KLHL1: variants seen among roughly 807,000 people sequenced by gnomAD.
KLHL1 encodes the protein kelch-like protein 1.
Under a neutral mutation model 77.7 loss-of-function variants are expected in KLHL1, and 47 were observed. The observed-to-expected ratio is 0.60, with a 90% confidence interval of 0.48 to 0.77. The LOEUF (loss-of-function observed/expected upper bound fraction) is 0.77. Among genes scored for constraint, KLHL1 ranks in the 30% least tolerant of loss-of-function variants. The pLI, the probability that KLHL1 is intolerant of heterozygous loss-of-function variation, is 0.00. For missense variants in KLHL1, 925 were observed against 910.8 expected (o/e 1.02, Z -0.20); for synonymous variants, 360 against 325.2 (o/e 1.11, Z -1.15).
chr13:69,825,801 G>C (rs1026718829), intron 6 of KLHL1, among the ~76,000 whole-genome samples: 13 of 152,250 alleles, frequency 8.5e-5, no homozygotes, highest in South Asian at 2.1e-4. Flanking sequence ...ATGAGCTACA[G>C]AGGGCAGAGC....
chr13:69,723,409 A>G (rs1873155974), intron 8 of KLHL1, among the ~76,000 whole-genome samples: 2 of 152,196 alleles, frequency 1.3e-5, no homozygotes, highest in African/African-American at 4.8e-5. Flanking sequence ...AATATATACA[A>G]GTATCAAAAC....
chr13:69,882,316 A>C lies in KLHL1; in HGVS notation c.1194T>G (p.Leu398=). The C allele has an allele frequency of 1.9e-6, 3 of 1,613,938 alleles. No homozygotes were observed. Among genetic ancestry groups the C allele is most frequent in the Non-Finnish European group, 8.5e-7 (1 of 1,179,808 alleles). Residue 398 remains leucine (L), a synonymous_variant, in exon 5 of 11, where the codon CTT becomes CTG. Coordinates refer to ENST00000377844, the MANE Select transcript of KLHL1 (RefSeq NM_020866.3). ...GAAGCAGTGGCAGTCTTATAAAGGCAAGAAGCATGCTCAGGTCATTGCATC... is the reference window on the plus strand; with the variant it reads ...GAAGCAGTGGCAGTCTTATAAAGGCCAGAAGCATGCTCAGGTCATTGCATC... The part of the protein sequence containing the change: ...QSRCNDLSML[L]AFIRLPLLPP...
At chr13:70,002,730 C>T (rs112285647) in intron 1 of KLHL1, among the ~76,000 whole-genome samples, 12 of 151,628 alleles carry the variant, frequency 7.9e-5, no homozygotes, top group African/African-American at 2.4e-4. Flanking sequence ...TAAAATAACT[C>T]GAGTCACTAC....
chr13:69,870,231 C>CT, intron 5 of KLHL1, among the ~76,000 whole-genome samples: 1 of 152,074 alleles, frequency 6.6e-6, no homozygotes, highest in Non-Finnish European at 1.5e-5. Flanking sequence ...TTAAGGGGAG[C>CT]CAGCTGGTGC....
chr13:70,037,511 T>C (rs1433252040), intron 1 of KLHL1, among the ~76,000 whole-genome samples: 2 of 152,096 alleles, frequency 1.3e-5, no homozygotes, highest in East Asian at 1.9e-4. Context: ...TTTTCACTTA[T>C]TTTATTTGTA....
chr13:69,849,728 GA>G (rs61036580), intron 5 of KLHL1, among the ~76,000 whole-genome samples: 140,723 of 150,892 alleles, frequency 0.93, 65,834 homozygotes, highest in East Asian at 0.99. Flanking sequence ...CAGAAAATCA[GA>G]AAAAAAAATC....
At chr13:69,983,396 C>A (rs973148393) in intron 1 of KLHL1, among the ~76,000 whole-genome samples, 5 of 151,622 alleles carry the variant, frequency 3.3e-5, no homozygotes, top group Non-Finnish European at 7.4e-5. Flanking sequence ...ATATCTAAAG[C>A]CATTTTGAGT....
intron 2 of KLHL1, among the ~76,000 whole-genome samples, chr13:69,964,619 T>C (rs547229181): frequency 5.9e-5 from 9 of 152,242 alleles, no homozygotes; most frequent in African/African-American, 2.2e-4. Context: ...AGATTGCATA[T>C]ATGGTTCAAC....
intron 3 of KLHL1, among the ~76,000 whole-genome samples, chr13:69,955,418 G>A (rs148737781): frequency 0.01 from 1,564 of 151,328 alleles, 27 homozygotes; most frequent in African/African-American, 0.035. Flanking sequence ...TATGATTAAA[G>A]GTCTGCCATT....
intron 7 of KLHL1, among the ~76,000 whole-genome samples, chr13:69,745,876 T>A (rs1001166558): frequency 6.6e-6 from 1 of 151,752 alleles, no homozygotes; most frequent in Admixed American, 6.6e-5. Context: ...CCTAATGAAA[T>A]ATCAATTGAG....
rs552378811 is a variant in KLHL1 at position 70,013,195 on chromosome 13, A to G, written c.498-37393T>C. On this transcript the variant is annotated intron_variant, in intron 1 of 10. Coordinates refer to ENST00000377844, the MANE Select transcript of KLHL1 (RefSeq NM_020866.3). ...AAGAAGAAATATAAACAAGCAAAGA[A>G]TCACAAAAGTAAAGGACACTTCAAA... Among the ~76,000 whole-genome samples the G allele has an allele frequency of 9.2e-5, 14 of 152,314 alleles. No homozygotes were observed. In the East Asian group the frequency reaches 2.3e-3, roughly 25 times the overall value.
At chr13:70,078,039 C>T (rs191654141) in intron 1 of KLHL1, among the ~76,000 whole-genome samples, 27 of 152,094 alleles carry the variant, frequency 1.8e-4, no homozygotes, top group African/African-American at 6.3e-4. Context: ...CTACAGGTGC[C>T]TCTCTAAATG....
intron 9 of KLHL1, among the ~76,000 whole-genome samples, chr13:69,710,293 T>A (rs1157033447): frequency 2.0e-5 from 3 of 151,924 alleles, no homozygotes; most frequent in Non-Finnish European, 4.4e-5. Context: ...ACATATATAT[T>A]TTAAATTTTC....
At chr13:69,707,371 C>G (rs73520084) in intron 10 of KLHL1, among the ~76,000 whole-genome samples, 15,767 of 151,750 alleles carry the variant, frequency 0.1, 976 homozygotes, top group African/African-American at 0.13. Flanking sequence ...GATTCTGTTT[C>G]TTGTTGTGGA....
chr13:69,792,296 CAA>C, intron 7 of KLHL1, among the ~76,000 whole-genome samples: 1 of 151,932 alleles, frequency 6.6e-6, no homozygotes, highest in Admixed American at 6.6e-5. Flanking sequence ...AGAAGGTATA[CAA>C]AAAAGATTCT....
intron 6 of KLHL1, among the ~76,000 whole-genome samples, chr13:69,822,580 G>A (rs1449434083): frequency 6.6e-6 from 1 of 152,044 alleles, no homozygotes; most frequent in Non-Finnish European, 1.5e-5. Flanking sequence ...CATTGCAATG[G>A]TCTCCAGTAG....
intron 1 of KLHL1, among the ~76,000 whole-genome samples, chr13:70,065,669 G>T (rs1456165686): frequency 5.3e-5 from 8 of 152,122 alleles, no homozygotes; most frequent in African/African-American, 1.9e-4. Context: ...TATTCTTTTA[G>T]TATATGTGCT....
At chr13:69,860,292 A>G (rs1185954108) in intron 5 of KLHL1, among the ~76,000 whole-genome samples, 1 of 152,058 alleles carries the variant, frequency 6.6e-6, no homozygotes, top group Non-Finnish European at 1.5e-5. Flanking sequence ...AACAAGTAGA[A>G]AACAAACAAG....
At chr13:69,889,802 T>C (rs1461758129) in intron 4 of KLHL1, among the ~76,000 whole-genome samples, 1 of 152,026 alleles carries the variant, frequency 6.6e-6, no homozygotes, top group Non-Finnish European at 1.5e-5. Flanking sequence ...GAATTAGGTA[T>C]GAAGACTAAA....
Sources: allele counts gnomAD v4.1 joint callset (sites outside exome capture counted in the v4.1 genomes callset), GRCh38; gene constraint gnomAD v4.1.1; transcripts MANE v1.5; gene names NCBI Gene and HGNC (gene_info 2026-07-23, HGNC 2026-07-21).